HAP1: variants seen among roughly 807,000 people sequenced by gnomAD.
HAP1 encodes huntingtin-associated protein 1.
In HAP1, 59 loss-of-function variants were observed where a neutral mutation model predicts 60.3. That is an observed-to-expected ratio of 0.98 (90% CI 0.79 to 1.22). The LOEUF (loss-of-function observed/expected upper bound fraction) is 1.22. HAP1 is among the 50% of genes most tolerant of loss of function. HAP1 has a pLI of 0.00. For missense variants in HAP1, 825 were observed against 785.3 expected (o/e 1.05, Z -0.60); for synonymous variants, 346 against 330.6 (o/e 1.05, Z -0.50).
At chr17:41,719,890 CTTT>C (rs33939681), downstream of HAP1, among the ~76,000 whole-genome samples, 3 of 128,826 alleles carry the variant, frequency 2.3e-5, no homozygotes, top group African/African-American at 5.7e-5. Context: ...AGATATTTAA[CTTT>C]TTTTTTTTTT....
chr17:41,734,102 G>C, intron 1 of HAP1, 64 bp downstream of exon 1: 1 of 1,352,044 alleles, frequency 7.4e-7, no homozygotes, highest in Non-Finnish European at 1.0e-6. Context: ...ACCCGATGGG[G>C]CCACTTCCTC....
chr17:41,731,773 G>A (rs782386832), intron 4 of HAP1, 30 bp from the exon 5 acceptor site: 1 of 1,521,554 alleles, frequency 6.6e-7, no homozygotes, highest in South Asian at 1.1e-5. Flanking sequence ...GAGTCAGGGT[G>A]CAGGGAGTGG....
Position 41,734,474 on chromosome 17 carries a change from G to A in HAP1, c.161C>T (p.Ala54Val). 1 of 1,611,682 alleles carries A rather than the reference G, an allele frequency of 6.2e-7. No homozygotes were observed. The highest frequency in any genetic ancestry group is 8.5e-7 in the Non-Finnish European group (1 of 1,179,154). Reference protein sequence around the residue: ...RGTGQRVGSRATSGSQFLSEA... With the variant: ...RGTGQRVGSRVTSGSQFLSEA... ...CGAGAGGAACTGGGATCCAGAGGTG[G>A]CTCGGGATCCTACTCTCTGTCCAGT... is the stretch of plus-strand genomic sequence containing the variant. Residue 54 changes from alanine to valine, a missense_variant, in exon 1 of 11, where the codon GCC (alanine) becomes GTC (valine). Transcript: ENST00000347901.
Position 41,724,536 on chromosome 17 carries a change from A to G in HAP1, c.*165T>C. ...AGGAGAAAAGTGGATGGAGATCTGG[A>G]ATCCTAAGCAAATGCCACATAAATG... is the stretch of plus-strand genomic sequence containing the variant. On this transcript the variant is annotated 3_prime_UTR_variant, in exon 11 of 11. Coordinates refer to ENST00000347901, the MANE Select transcript of HAP1 (RefSeq NM_177977.3). The G allele has an allele frequency of 1.6e-6, 1 of 619,466 alleles. No homozygotes were observed. Among genetic ancestry groups the G allele is most frequent in the South Asian group, 2.0e-5 (1 of 50,454 alleles). The allele number at this position is 619,466 out of a possible 1,614,324, so 38.4% of individuals were successfully genotyped here.
downstream of HAP1, chr17:41,721,725 C>G (rs1401317112): frequency 6.6e-6 from 1 of 151,400 alleles, no homozygotes; most frequent in Non-Finnish European, 1.5e-5. Context: ...TGCCACCATG[C>G]CCAGCTAATT....
At chr17:41,733,807 G>A (rs1368475742) in intron 1 of HAP1, among the ~76,000 whole-genome samples, 1 of 150,702 alleles carries the variant, frequency 6.6e-6, no homozygotes, top group Non-Finnish European at 1.5e-5. Flanking sequence ...GGCCAGCGCA[G>A]ACTCAGAGCG....
intron 6 of HAP1, among the ~76,000 whole-genome samples, chr17:41,729,868 CAAAAAA>C (rs71155164): frequency 1.3e-4 from 8 of 59,900 alleles, no homozygotes; most frequent in Admixed American, 4.5e-4. Context: ...GAGACTCCGT[CAAAAAA>C]AAAAAAAAAA....
intron 9 of HAP1, among the ~76,000 whole-genome samples, chr17:41,726,366 A>G (rs2143202787): frequency 6.7e-6 from 1 of 150,292 alleles, no homozygotes; most frequent in East Asian, 2.0e-4. Flanking sequence ...GTAAGCCGAG[A>G]TCACGCCAAC....
At chr17:41,727,600 C>A in intron 8 of HAP1, 162 bp downstream of exon 8, 1 of 653,960 alleles carries the variant, frequency 1.5e-6, no homozygotes. Flanking sequence ...CTTGATGGAA[C>A]TGTCACCTGC....
Position 41,732,764 on chromosome 17 carries a change from C to T in HAP1, c.504G>A (p.Lys168=). ...LCPNLPPPVK[K]ITQEDVKVML... is the part of the protein sequence containing the mutation. ...TCACTTTGACGTCTTCCTGGGTGAT[C>T]TTTTTGACTGGCGGAGGTAGGTTAG... is the stretch of plus-strand genomic sequence containing the variant. The change falls in exon 2 of 11, where the codon AAG becomes AAA. Residue 168 remains lysine (K), a synonymous_variant. Transcript: ENST00000347901. 1 of 1,613,204 alleles carries T rather than the reference C, an allele frequency of 6.2e-7. No individual in the cohort carries two copies. The highest frequency in any genetic ancestry group is 1.1e-5 in the South Asian group (1 of 91,066).
In HAP1 at chr17:41,731,636, A is replaced by C; in HGVS notation, c.1002+2T>G. The C allele has an allele frequency of 1.2e-6, 2 of 1,612,160 alleles. No individual in the cohort carries two copies. Among genetic ancestry groups the C allele is most frequent in the African/African-American group, 2.7e-5 (2 of 74,958 alleles). On this transcript the variant is annotated splice_donor_variant, in intron 5 of 10. Coordinates refer to ENST00000347901, the MANE Select transcript of HAP1 (RefSeq NM_177977.3). LOFTEE classifies it high-confidence loss of function. ...AGGGACGCCCTCCTCCCCCATTCTC[A>C]CCTCTTCTCTCAGCTGATGATTCTC... is the stretch of plus-strand genomic sequence containing the variant.
Position 41,731,639 on chromosome 17 carries a change from T to A in HAP1, c.1001A>T (p.Glu334Val). 1 of 1,612,992 alleles carries A rather than the reference T, an allele frequency of 6.2e-7. No individual in the cohort carries two copies. The highest frequency in any genetic ancestry group is 1.1e-5 in the South Asian group (1 of 91,056). The change falls in exon 5 of 11, where the codon GAG becomes GTG. Residue 334 changes from glutamate to valine, a missense_variant and splice_region_variant. By Grantham distance (121) the Glu-to-Val change is moderately radical. Transcript: ENST00000347901. ...LEEENHQLRE[E>V]ASQLDTLEDE... ...GACGCCCTCCTCCCCCATTCTCACC[T>A]CTTCTCTCAGCTGATGATTCTCCTC... is the stretch of plus-strand genomic sequence containing the variant.
intron 6 of HAP1, among the ~76,000 whole-genome samples, chr17:41,729,316 G>A (rs1270980703): frequency 4.0e-5 from 6 of 150,438 alleles, no homozygotes; most frequent in South Asian, 2.1e-4. Flanking sequence ...TTGGGAGGCT[G>A]AGGGGGATGG....
intron 1 of HAP1, among the ~76,000 whole-genome samples, chr17:41,733,612 C>T (rs1555591753): frequency 6.6e-6 from 1 of 152,092 alleles, no homozygotes; most frequent in Non-Finnish European, 1.5e-5. Flanking sequence ...AGGAAGACTT[C>T]ACCAGATTAG....
At chr17:41,726,705 A>G (rs535191516) in intron 9 of HAP1, among the ~76,000 whole-genome samples, 1 of 152,152 alleles carries the variant, frequency 6.6e-6, no homozygotes, top group African/African-American at 2.4e-5. Context: ...TCTACTAAAA[A>G]TACAAAAAGT....
At position 41,732,210 on chromosome 17, in the gene HAP1, TCTC is replaced by T; in HGVS notation, c.714+17_714+19del. 1.2e-6 allele frequency: 2 copies of T among 1,611,994 alleles called. No individual in the cohort carries two copies. Among genetic ancestry groups the T allele is most frequent in the Non-Finnish European group, 1.7e-6 (2 of 1,179,018 alleles). ...GCAGGTGTAGATTGGCCCGCTATCCTCTCCTCCCCACCCGGTTACCTCCTCCTT... is the reference window on the plus strand; with the variant it reads ...GCAGGTGTAGATTGGCCCGCTATCCTCTCCCCACCCGGTTACCTCCTCCTT... On this transcript the variant is annotated intron_variant, in intron 3 of 10. Transcript: ENST00000347901.
rs1555591458 is a variant in HAP1 at position 41,732,769 on chromosome 17, T to C, written c.499A>G (p.Lys167Glu). Residue 167 changes from lysine to glutamate, a missense_variant, in exon 2 of 11, where the codon AAA becomes GAA. Lys to Glu is a moderately conservative substitution (Grantham distance 56). Coordinates refer to ENST00000347901, the MANE Select transcript of HAP1 (RefSeq NM_177977.3). ...ALCPNLPPPV[K>E]KITQEDVKVM... ...TTGACGTCTTCCTGGGTGATCTTTT[T>C]GACTGGCGGAGGTAGGTTAGGACAC... is the stretch of plus-strand genomic sequence containing the variant. 1 of 1,612,972 alleles carries C rather than the reference T, an allele frequency of 6.2e-7. No individual in the cohort carries two copies. The highest frequency in any genetic ancestry group is 1.1e-5 in the South Asian group (1 of 91,072).
At chr17:41,718,031 T>A (rs11079007), downstream of HAP1, 396,719 of 467,380 alleles carry the variant, frequency 0.85, 169,229 homozygotes, top group Middle Eastern at 0.93. Flanking sequence ...GGGGCTCTGT[T>A]ATAAAAGACA....
At chr17:41,728,121 G>A (rs887027030) in intron 7 of HAP1, 80 bp downstream of exon 7, 6 of 1,518,318 alleles carry the variant, frequency 4.0e-6, no homozygotes, top group Non-Finnish European at 5.4e-6. Context: ...CAGGCCTGGT[G>A]GAGCCGAGTG....
Sources: allele counts gnomAD v4.1 joint callset (sites outside exome capture counted in the v4.1 genomes callset), GRCh38; gene constraint gnomAD v4.1.1; transcripts MANE v1.5; gene names NCBI Gene and HGNC (gene_info 2026-07-23, HGNC 2026-07-21).